UBE2J1: variants seen among roughly 807,000 people sequenced by gnomAD.
UBE2J1 encodes ubiquitin conjugating enzyme E2 J1.
Under a neutral mutation model 42.1 loss-of-function variants are expected in UBE2J1, and 17 were observed. That is an observed-to-expected ratio of 0.40 (90% CI 0.28 to 0.61). UBE2J1 has a LOEUF of 0.61. UBE2J1 is among the 20% of genes least tolerant of loss of function. UBE2J1 has a pLI of 0.38. For synonymous variants in UBE2J1, 127 were observed against 137.2 expected, an observed-to-expected ratio of 0.93 and a Z score of 0.52; for missense variants, 291 against 389.4, an observed-to-expected ratio of 0.75 and a Z score of 2.13.
At chr6:89,349,809 TTTTGCACCAGTCTC>T (rs2127874617) in intron 1 of UBE2J1, among the ~76,000 whole-genome samples, 1 of 152,250 alleles carries the variant, frequency 6.6e-6, no homozygotes, top group African/African-American at 2.4e-5. Context: ...CAGTGGGTAC[TTTTGCACCAGTCTC>T]TTATACTCCC....
At chr6:89,345,949 C>T (rs1294126343) in intron 1 of UBE2J1, among the ~76,000 whole-genome samples, 4 of 150,750 alleles carry the variant, frequency 2.7e-5, no homozygotes, top group Non-Finnish European at 1.5e-5. Context: ...GGCAGTGGTA[C>T]GAACACAGCT....
intron 5 of UBE2J1, among the ~76,000 whole-genome samples, chr6:89,336,987 G>A (rs546563621): frequency 7.9e-5 from 12 of 151,928 alleles, no homozygotes; most frequent in African/African-American, 2.7e-4. Flanking sequence ...CTACAGGCAC[G>A]TGCCACCACG....
chr6:89,344,018 A>G (rs1768311084), intron 1 of UBE2J1, among the ~76,000 whole-genome samples: 1 of 152,168 alleles, frequency 6.6e-6, no homozygotes, highest in African/African-American at 2.4e-5. Flanking sequence ...TATACTTCCT[A>G]TATGGTGGTA....
chr6:89,344,846 C>T (rs1366172808), intron 1 of UBE2J1, among the ~76,000 whole-genome samples: 2 of 152,244 alleles, frequency 1.3e-5, no homozygotes, highest in African/African-American at 4.8e-5. Flanking sequence ...ATGCCTATCA[C>T]AATCTACAAT....
At chr6:89,336,859 A>G (rs1381945575) in intron 5 of UBE2J1, among the ~76,000 whole-genome samples, 1 of 149,198 alleles carries the variant, frequency 6.7e-6, no homozygotes, top group Non-Finnish European at 1.5e-5. Flanking sequence ...TTTTTTTTTG[A>G]GACAAGGTCT....
chr6:89,341,961 G>A (rs868452803), intron 3 of UBE2J1, among the ~76,000 whole-genome samples: 4 of 152,160 alleles, frequency 2.6e-5, no homozygotes, highest in African/African-American at 9.7e-5. Flanking sequence ...GGAAGAGAGT[G>A]TAAGAAAGGT....
At position 89,345,373 on chromosome 6, in the gene UBE2J1, G is replaced by A. The variant is rs138196799; in HGVS notation, c.32-1617C>T. ...TCCTAGCACTTTGGGAGACCGAGGC[G>A]AGTGGATCACCTGAGGTCAAGAGTT... On this transcript the variant is annotated intron_variant, in intron 1 of 7. Transcript: ENST00000435041. Among the ~76,000 whole-genome samples the A allele has an allele frequency of 3.8e-3, 573 of 151,638 alleles. 1 individual carries two copies. The highest frequency in any genetic ancestry group is 0.013 in the African/African-American group (544 of 41,314).
chr6:89,341,129 G>C (rs1456568945), intron 3 of UBE2J1, among the ~76,000 whole-genome samples: 1 of 152,174 alleles, frequency 6.6e-6, no homozygotes, highest in Non-Finnish European at 1.5e-5. Context: ...TACTCCGTGT[G>C]GGTAAGATGT....
intron 7 of UBE2J1, 151 bp from the exon 8 acceptor site, chr6:89,330,108 A>C (rs542247981): frequency 1.2e-6 from 1 of 805,856 alleles, no homozygotes; most frequent in Admixed American, 3.0e-5. Context: ...ACATCCCTTG[A>C]GGGGCATCTA....
intron 1 of UBE2J1, 91 bp from the exon 2 acceptor site, chr6:89,343,847 A>G (rs536450072): frequency 2.1e-6 from 2 of 962,562 alleles, no homozygotes; most frequent in South Asian, 3.2e-5. Context: ...AAATGTGTAG[A>G]GAACTAGTGC....
At chr6:89,342,513 A>G (rs1020914942) in intron 2 of UBE2J1, 58 bp from the exon 3 acceptor site, 5 of 1,474,736 alleles carry the variant, frequency 3.4e-6, no homozygotes, top group Non-Finnish European at 4.6e-6. Flanking sequence ...TGATCATTTT[A>G]TCTGAATATT....
chr6:89,330,469 G>C (rs1028825545), intron 7 of UBE2J1, among the ~76,000 whole-genome samples: 2 of 151,616 alleles, frequency 1.3e-5, no homozygotes, highest in Non-Finnish European at 2.9e-5. Flanking sequence ...CTTTTGGATG[G>C]TATATCACTA....
intron 1 of UBE2J1, among the ~76,000 whole-genome samples, chr6:89,344,887 T>C (rs1487813631): frequency 2.0e-5 from 3 of 152,356 alleles, no homozygotes; most frequent in Non-Finnish European, 4.4e-5. Context: ...CTGTCTTCTA[T>C]TGGCTCTCAA....
chr6:89,344,224 T>C (rs1002336298), intron 1 of UBE2J1, among the ~76,000 whole-genome samples: 5 of 152,176 alleles, frequency 3.3e-5, no homozygotes, highest in African/African-American at 1.2e-4. Flanking sequence ...AAAATGTCTT[T>C]ATTAACAAAA....
chr6:89,349,771 T>C (rs1458539452), intron 1 of UBE2J1, among the ~76,000 whole-genome samples: 1 of 152,118 alleles, frequency 6.6e-6, no homozygotes, highest in South Asian at 2.1e-4. Flanking sequence ...ATGGCATGGA[T>C]AGGTAACTCT....
In UBE2J1 at chr6:89,336,173, T is replaced by C. The variant is rs1768103379; in HGVS notation, c.429-742A>G. On this transcript the variant is annotated intron_variant, in intron 5 of 7. Coordinates refer to ENST00000435041, the MANE Select transcript of UBE2J1 (RefSeq NM_016021.3). ...CTTCCTTCTAAAAAATTGTTTTTCA[T>C]AGTACTTCTAGTTCTATTAAAAAAC... Among the ~76,000 whole-genome samples, 7 of 152,340 alleles carry C rather than the reference T, an allele frequency of 4.6e-5. No homozygotes were observed. In the South Asian group the frequency reaches 1.2e-3, roughly 27 times the overall value.
At chr6:89,338,657 G>GT (rs11300340) in intron 3 of UBE2J1, 114 bp from the exon 4 acceptor site, 3,622 of 105,398 alleles carry the variant, frequency 0.034, 724 homozygotes, top group South Asian at 0.048. Flanking sequence ...TAAAAAGTTT[G>GT]TTTTTTTTTT....
intron 3 of UBE2J1, among the ~76,000 whole-genome samples, chr6:89,340,020 TAA>T (rs202119381): frequency 5.0e-5 from 7 of 139,384 alleles, no homozygotes; most frequent in Admixed American, 7.1e-5. Flanking sequence ...TATCTCAAGT[TAA>T]AAAAAAAAAA....
intron 1 of UBE2J1, 115 bp from the exon 2 acceptor site, chr6:89,343,871 G>A: frequency 1.4e-6 from 1 of 690,410 alleles, no homozygotes; most frequent in Non-Finnish European, 2.3e-6. Context: ...TGAGCATATG[G>A]CAAAGGTTTA....
Sources: gnomAD v4.1 joint callset for allele counts (sites outside exome capture counted in the v4.1 genomes callset) on GRCh38, gnomAD v4.1.1 for gene constraint, MANE v1.5 for transcripts, NCBI Gene and HGNC (gene_info 2026-07-23, HGNC 2026-07-21) for gene names.